Variants in FADS2 observed in about 807,000 individuals in gnomAD.
The protein encoded by FADS2 is fatty acid desaturase 2, also known as acyl-CoA 6-desaturase.
A neutral mutation model predicts 61.2 loss-of-function variants in FADS2; 18 were observed. The ratio of observed to expected loss-of-function variants is 0.29; its 90% CI spans 0.20 to 0.44. The LOEUF is 0.44. Ranked by LOEUF, FADS2 falls within the 20% of genes least tolerant of loss-of-function variation. The probability of loss-of-function intolerance (pLI) is 1.00; values close to 1 mark genes in which losing one functional copy is unlikely to be tolerated. For synonymous variants in FADS2, 203 were observed against 223.9 expected (o/e 0.91, Z 0.83); for missense variants, 322 against 572.7 (o/e 0.56, Z 4.47).
chr11:61,827,655 G>C (rs1250275733), upstream of FADS2: 1 of 152,254 alleles, frequency 6.6e-6, no homozygotes, highest in Admixed American at 6.5e-5. This position sits in a 1 kb window ranked among gnomAD's most constrained non-coding sequence, Gnocchi z 4.5. Context: ...CACCCGCCCG[G>C]CCGCTTGCTG....
chr11:61,824,316 A>G (rs2067052815), upstream of FADS2, among the ~76,000 whole-genome samples: 2 of 150,252 alleles, frequency 1.3e-5, no homozygotes, highest in Non-Finnish European at 3.0e-5. Context: ...CGGGAGGCAG[A>G]GGTTGCAGTG....
chr11:61,841,419 C>T (rs534504933), intron 4 of FADS2, among the ~76,000 whole-genome samples: 45 of 150,352 alleles, frequency 3.0e-4, no homozygotes, highest in Middle Eastern at 6.8e-3. Context: ...ATACGTTGTG[C>T]TGGGTGTGGT....
chr11:61,853,233 CTT>C (rs2067323328), intron 5 of FADS2, among the ~76,000 whole-genome samples: 1 of 45,408 alleles, frequency 2.2e-5, no homozygotes, highest in Non-Finnish European at 3.9e-5. Context: ...TCTTTCTTCT[CTT>C]TCTTTCTTTC....
In FADS2 at chr11:61,863,368, T is replaced by A; in HGVS notation, c.1067T>A (p.Phe356Tyr). The A allele has an allele frequency of 6.2e-7, 1 of 1,612,412 alleles. No individual in the cohort carries two copies. The highest frequency in any genetic ancestry group is 8.5e-7 in the Non-Finnish European group (1 of 1,178,438). Residue 356 changes from phenylalanine to tyrosine, a missense_variant, in exon 9 of 12, where the codon TTC becomes TAC. By Grantham distance (22) the Phe-to-Tyr change is conservative (BLOSUM62 3). Around this residue, in one of 3 missense-constraint regions of FADS2, gnomAD observed 221 missense variants for 427.9 expected, o/e 0.52. Coordinates refer to ENST00000278840, the MANE Select transcript of FADS2 (RefSeq NM_004265.4). Reference sequence around the variant, plus strand: ...GACCAGGAGGCCTACCGTGACTGGTTCAGTAGCCAGGTAGGGAAGTCAGGG... The same window carrying A: ...GACCAGGAGGCCTACCGTGACTGGTACAGTAGCCAGGTAGGGAAGTCAGGG... ...EIDQEAYRDW[F>Y]SSQLTATCNV...
chr11:61,856,680 G>T, intron 5 of FADS2: 1 of 323,510 alleles, frequency 3.1e-6, no homozygotes. Context: ...TTTGGGTTCT[G>T]ATCCCAGTCA....
intron 1 of FADS2, among the ~76,000 whole-genome samples, chr11:61,834,463 G>A (rs1196845095): frequency 1.3e-5 from 2 of 152,144 alleles, no homozygotes; most frequent in African/African-American, 4.8e-5. Flanking sequence ...CTCCCTGCCT[G>A]GCGCATGCCC....
At chr11:61,821,639 C>T (rs911792616) in intron 1 of FADS2, among the ~76,000 whole-genome samples, 1 of 152,168 alleles carries the variant, frequency 6.6e-6, no homozygotes. Flanking sequence ...AAGACCAAAA[C>T]CATTTTTGAA....
chr11:61,828,398 A>G lies in FADS2; in HGVS notation c.8A>G (p.Lys3Arg). 6.4e-7 allele frequency: 1 copy of G among 1,563,520 alleles called. No homozygotes were observed. The highest frequency in any genetic ancestry group is 1.9e-5 in the Admixed American group (1 of 51,308). ...TCACAGTCGGCAGGCAGCATGGGGA[A>G]GGGAGGGAACCAGGGCGAGGGGGCC... MG[K>R]GGNQGEGAAE... The change falls in exon 1 of 12, where the codon AAG becomes AGG. Residue 3 changes from lysine to arginine, a missense_variant. Lys to Arg is a conservative substitution (Grantham distance 26). Coordinates refer to ENST00000278840, the MANE Select transcript of FADS2 (RefSeq NM_004265.4). The surrounding 1 kb of genome is among the most constrained non-coding windows in gnomAD (Gnocchi z 6.4).
chr11:61,865,912 G>C lies in FADS2; in HGVS notation c.*223G>C, dbSNP rs1369393514. 3.5e-6 allele frequency: 2 copies of C among 572,246 alleles called. No individual in the cohort carries two copies. Among genetic ancestry groups the C allele is most frequent in the South Asian group, 2.3e-5 (1 of 42,744 alleles). 35.4% of individuals were successfully genotyped at this position (572,246 alleles called of 1,614,324 possible). ...GCCCTCCCTCAGCCGTCAGCCATCA[G>C]CCATGGCCCTCCCAGTGCCTCCTAG... is the stretch of plus-strand genomic sequence containing the variant. On this transcript the variant is annotated 3_prime_UTR_variant, in exon 12 of 12. Transcript: ENST00000278840. This position sits in a 1 kb window ranked among gnomAD's most constrained non-coding sequence, Gnocchi z 4.1.
chr11:61,861,206 T>C (rs907717514), intron 7 of FADS2, among the ~76,000 whole-genome samples: 1 of 150,702 alleles, frequency 6.6e-6, no homozygotes, highest in South Asian at 2.1e-4. Flanking sequence ...TACAAAAAAT[T>C]ATCCGGGCGT....
chr11:61,839,935 T>C (rs1194249318), intron 2 of FADS2, among the ~76,000 whole-genome samples: 1 of 152,242 alleles, frequency 6.6e-6, no homozygotes, highest in African/African-American at 2.4e-5. Flanking sequence ...TGTGTCAGAA[T>C]TTCCTCCCTT....
In FADS2 at chr11:61,865,871, T is replaced by A. The variant is rs1404888626; in HGVS notation, c.*182T>A. The A allele has an allele frequency of 1.3e-5, 8 of 597,556 alleles. No individual in the cohort carries two copies. Among genetic ancestry groups the A allele is most frequent in the Non-Finnish European group, 2.1e-5 (7 of 335,436 alleles). The allele number at this position is 597,556 out of a possible 1,614,324, so 37.0% of individuals were successfully genotyped here. On this transcript the variant is annotated 3_prime_UTR_variant, in exon 12 of 12. Transcript: ENST00000278840. This position sits in a 1 kb window ranked among gnomAD's most constrained non-coding sequence, Gnocchi z 4.1. ...TCTTCACATCTCCCCCATAGCACCC[T>A]GCCCTCATGGGACCTGCCCTCCCTC...
intron 7 of FADS2, among the ~76,000 whole-genome samples, chr11:61,858,399 G>A (rs1297244): frequency 4.0e-5 from 6 of 151,854 alleles, no homozygotes; most frequent in East Asian, 1.9e-4. Context: ...GGCTGGTCTC[G>A]AACTCCTGGC....
chr11:61,862,736 C>T (rs758568478), intron 7 of FADS2: 4 of 543,624 alleles, frequency 7.4e-6, no homozygotes, highest in Middle Eastern at 5.0e-4. Context: ...GTTTCTCTCC[C>T]GAAAAACAGG....
At chr11:61,841,553 A>G (rs1312080217) in intron 4 of FADS2, among the ~76,000 whole-genome samples, 1 of 150,280 alleles carries the variant, frequency 6.7e-6, no homozygotes, top group African/African-American at 2.4e-5. Flanking sequence ...AAAAAAAAAG[A>G]AAAAGAAACA....
upstream of FADS2, chr11:61,826,173 C>A (rs753539216): frequency 8.5e-6 from 6 of 702,536 alleles, no homozygotes; most frequent in East Asian, 1.6e-4. Flanking sequence ...ACTGAGGCTG[C>A]TGGGGCTTTT....
chr11:61,842,686 G>A (rs2067226108), intron 4 of FADS2, among the ~76,000 whole-genome samples: 1 of 152,176 alleles, frequency 6.6e-6, no homozygotes, highest in South Asian at 2.1e-4. Flanking sequence ...TGTGTCCTTG[G>A]TGCTGTGTCA....
At position 61,857,477 on chromosome 11, in the gene FADS2, A is replaced by G. The variant is rs748883707; in HGVS notation, c.829A>G (p.Met277Val). The change falls in exon 7 of 12, where the codon ATG becomes GTG. Residue 277 changes from methionine (M) to valine (V), a missense_variant. Coordinates refer to ENST00000278840, the MANE Select transcript of FADS2 (RefSeq NM_004265.4). The part of the protein sequence containing the change: ...FLIGPPLLIP[M>V]YFQYQIIMTM... The stretch of plus-strand genomic sequence containing the variant: ...AGTTGGGCCGCCGCTGCTCATCCCC[A>G]TGTATTTCCAGTACCAGATCATCAT... 67 of 1,613,754 alleles carry G rather than the reference A, an allele frequency of 4.2e-5. No homozygotes were observed. The highest frequency in any genetic ancestry group is 5.1e-5 in the Non-Finnish European group (60 of 1,179,906).
rs951775894 is a variant in FADS2 at position 61,835,573 on chromosome 11, T to A, written c.208-2205T>A. ...CACACCTGGCTAATTTTTTTTTTTT[T>A]TTTTGTATTTTTAGTAGAGACGGGG... On this transcript the variant is annotated intron_variant, in intron 1 of 11. Transcript: ENST00000278840. Among the ~76,000 whole-genome samples, 82 of 151,470 alleles carry A rather than the reference T, an allele frequency of 5.4e-4. 1 individual carries two copies. Among genetic ancestry groups the A allele is most frequent in the Middle Eastern group, 3.4e-3 (1 of 292 alleles).
Sources: allele counts gnomAD v4.1 joint callset (sites outside exome capture counted in the v4.1 genomes callset), GRCh38; gene constraint gnomAD v4.1.1; regional missense constraint gnomAD v4.1.1; non-coding constraint Gnocchi (gnomAD v3.1); transcripts MANE v1.5; gene names NCBI Gene and HGNC (gene_info 2026-07-23, HGNC 2026-07-21).